The following CDYL variants were observed in gnomAD, a reference collection of about 807,000 sequenced individuals.
CDYL encodes the protein chromodomain Y-like protein.
Under a neutral mutation model 47.3 loss-of-function variants are expected in CDYL, and 8 were observed. The observed-to-expected ratio is 0.17, with a 90% CI of 0.10 to 0.31. CDYL has a LOEUF of 0.31. CDYL is among the 10% of genes least tolerant of loss of function. CDYL has a pLI of 1.00. For missense variants in CDYL, 471 were observed against 701.4 expected, an observed-to-expected ratio of 0.67 and a Z score of 3.71; for synonymous variants, 266 against 265.0, an observed-to-expected ratio of 1.00 and a Z score of -0.04.
chr6:4,829,143 G>A (rs962414063), intron 1 of CDYL, among the ~76,000 whole-genome samples: 1 of 151,940 alleles, frequency 6.6e-6, no homozygotes, highest in African/African-American at 2.4e-5. Context: ...TATGCTTTGT[G>A]GGGTTTTTGT....
intron 5 of CDYL, among the ~76,000 whole-genome samples, chr6:4,949,534 A>G (rs1387450487): frequency 2.0e-5 from 3 of 152,180 alleles, no homozygotes. Flanking sequence ...GGATGGTTCC[A>G]GGATAACTTT....
chr6:4,782,327 C>T (rs1428914700), intron 1 of CDYL, among the ~76,000 whole-genome samples: 1 of 152,152 alleles, frequency 6.6e-6, no homozygotes, highest in East Asian at 1.9e-4. Context: ...CAAAATACTG[C>T]AATCGTTGCA....
At chr6:4,842,696 G>A (rs73364563) in intron 1 of CDYL, among the ~76,000 whole-genome samples, 3,734 of 152,208 alleles carry the variant, frequency 0.025, 149 homozygotes, top group African/African-American at 0.085. Context: ...CAGATACTAG[G>A]TGAATTCTTA....
chr6:4,893,274 C>T (rs1021833479), intron 2 of CDYL, among the ~76,000 whole-genome samples: 4 of 152,250 alleles, frequency 2.6e-5, no homozygotes, highest in East Asian at 3.8e-4. Flanking sequence ...CCTGGCGCTC[C>T]GCTGCCCTCT....
chr6:4,846,856 CAT>C (rs747382939), intron 1 of CDYL, among the ~76,000 whole-genome samples: 13 of 152,312 alleles, frequency 8.5e-5, no homozygotes, highest in South Asian at 2.1e-4. Context: ...CAAACCAAGA[CAT>C]ATGGTTGTCC....
chr6:4,905,095 C>T lies in CDYL; in HGVS notation c.691+12716C>T, dbSNP rs192407212. ...GAACTGCTGAAGTCAGAGAAGTCCA[C>T]GTTGGATAAACAAAGCCAGCCCAGT... On this transcript the variant is annotated intron_variant, in intron 2 of 6. Transcript: ENST00000397588. Among the ~76,000 whole-genome samples the T allele has an allele frequency of 2.2e-4, 33 of 152,288 alleles. 1 individual carries two copies. Among genetic ancestry groups the T allele is most frequent in the Admixed American group, 1.8e-3 (27 of 15,284 alleles).
intron 1 of CDYL, among the ~76,000 whole-genome samples, chr6:4,712,974 G>A (rs1257495345): frequency 3.9e-5 from 6 of 152,108 alleles, no homozygotes; most frequent in Non-Finnish European, 5.9e-5. Flanking sequence ...GCAAGACCCC[G>A]TCTCTACAAA....
intron 1 of CDYL, among the ~76,000 whole-genome samples, chr6:4,827,348 G>A (rs1760008224): frequency 6.6e-6 from 1 of 152,052 alleles, no homozygotes; most frequent in Non-Finnish European, 1.5e-5. Flanking sequence ...TTATACTTTT[G>A]TTCCTCATTG....
At chr6:4,759,000 T>C (rs57768379) in intron 3 of CDYL, among the ~76,000 whole-genome samples, 30,047 of 145,396 alleles carry the variant, frequency 0.21, 4,097 homozygotes, top group African/African-American at 0.38. Flanking sequence ...TGGAGTCTCG[T>C]TCTGTCTCCC....
intron 2 of CDYL, among the ~76,000 whole-genome samples, chr6:4,722,534 C>T (rs1167780146): frequency 6.6e-6 from 1 of 152,140 alleles, no homozygotes; most frequent in East Asian, 1.9e-4. Context: ...ACCAACTCAT[C>T]CTGGTTAATC....
chr6:4,807,663 G>C (rs989237278), intron 1 of CDYL, among the ~76,000 whole-genome samples: 2 of 133,624 alleles, frequency 1.5e-5, no homozygotes, highest in African/African-American at 2.8e-5. Context: ...GAGTGCAGTG[G>C]TGTGAATGTG....
chr6:4,775,145 A>T (rs1471861740), upstream of CDYL: 4 of 152,928 alleles, frequency 2.6e-5, no homozygotes, highest in African/African-American at 7.2e-5. This position sits in a 1 kb window ranked among gnomAD's most constrained non-coding sequence, Gnocchi z 7.0. Flanking sequence ...TGGAGCACGG[A>T]GGAGTGAGGC....
chr6:4,771,312 C>T (rs1400716472), intron 3 of CDYL, among the ~76,000 whole-genome samples: 2 of 152,122 alleles, frequency 1.3e-5, no homozygotes, highest in African/African-American at 2.4e-5. Context: ...TGGGGTTTCA[C>T]CATGTTGGCC....
chr6:4,829,038 G>C (rs1760061074), intron 1 of CDYL, among the ~76,000 whole-genome samples: 2 of 151,874 alleles, frequency 1.3e-5, no homozygotes, highest in African/African-American at 4.8e-5. Flanking sequence ...TTTGCTTTTT[G>C]AGCTTATTTA....
At chr6:4,944,291 A>G (rs1361502163) in intron 5 of CDYL, among the ~76,000 whole-genome samples, 1 of 152,236 alleles carries the variant, frequency 6.6e-6, no homozygotes, top group Non-Finnish European at 1.5e-5. Flanking sequence ...GGTTCTCCAG[A>G]AGCAGACACT....
chr6:4,761,902 A>G (rs1040399911), intron 3 of CDYL, among the ~76,000 whole-genome samples: 2 of 152,202 alleles, frequency 1.3e-5, no homozygotes, highest in Admixed American at 6.5e-5. Context: ...AAGCTGGGGG[A>G]AAAGCATTTT....
At chr6:4,799,497 G>T (rs970886055) in intron 1 of CDYL, among the ~76,000 whole-genome samples, 4 of 151,908 alleles carry the variant, frequency 2.6e-5, no homozygotes, top group African/African-American at 9.7e-5. Flanking sequence ...CCAGGTTGGA[G>T]TGCAGTGGCG....
At chr6:4,814,398 G>T (rs1173834212) in intron 1 of CDYL, among the ~76,000 whole-genome samples, 1 of 152,122 alleles carries the variant, frequency 6.6e-6, no homozygotes, top group African/African-American at 2.4e-5. Context: ...ACTGTTCATG[G>T]AGCATATGCA....
rs1265969755 is a variant in CDYL, at chr6:4,954,818, A to T, written c.*762A>T. 6.6e-6 allele frequency: 1 copy of T among 152,238 alleles called. No individual in the cohort carries two copies. The allele number at this position is 152,238 out of a possible 1,614,324, so 9.4% of individuals were successfully genotyped here. A position where few individuals can be genotyped will look rare whatever the true frequency, so the allele number is the denominator to read the frequency against. On this transcript the variant is annotated 3_prime_UTR_variant, in exon 7 of 7. Transcript: ENST00000397588. ...CTTAAGTATGACTATCTAAGTTATAAGTTAGTCTTTAGTGGGTTTTAAATA... is the reference window on the plus strand; with the variant it reads ...CTTAAGTATGACTATCTAAGTTATATGTTAGTCTTTAGTGGGTTTTAAATA...
Sources: allele counts gnomAD v4.1 joint callset (sites outside exome capture counted in the v4.1 genomes callset), GRCh38; gene constraint gnomAD v4.1.1; non-coding constraint Gnocchi (gnomAD v3.1); transcripts MANE v1.5; gene names NCBI Gene and HGNC (gene_info 2026-07-23, HGNC 2026-07-21).